Variants in PARP14 observed in about 807,000 individuals in gnomAD.
The protein encoded by PARP14 is protein mono-ADP-ribosyltransferase PARP14.
Under a neutral mutation model 154.2 loss-of-function variants are expected in PARP14, and 59 were observed. The ratio of observed to expected loss-of-function variants is 0.38; its 90% CI spans 0.31 to 0.48. The LOEUF (loss-of-function observed/expected upper bound fraction) is 0.48. Among genes scored for constraint, PARP14 ranks in the 20% least tolerant of loss-of-function variants. The pLI, the probability that PARP14 is intolerant of heterozygous loss-of-function variation, is 0.98. For synonymous variants in PARP14, 720 were observed against 780.5 expected, an observed-to-expected ratio of 0.92 and a Z score of 1.29; for missense variants, 1,734 against 2,131.6, an observed-to-expected ratio of 0.81 and a Z score of 3.67.
rs184293982 is a variant in PARP14, at chr3:122,727,144, C to A, written c.4942-668C>A. Among the ~76,000 whole-genome samples the A allele has an allele frequency of 5.9e-5, 9 of 152,136 alleles. No individual in the cohort carries two copies. In the East Asian group the frequency reaches 1.8e-3, roughly 30 times the overall value. On this transcript the variant is annotated intron_variant, in intron 15 of 16. Coordinates refer to ENST00000474629, the MANE Select transcript of PARP14 (RefSeq NM_017554.3). ...AGGGACTTTGGTCACCTTTACCCAC[C>A]CCTCGGTCTTCCCAGGACAGCCTTA... is the stretch of plus-strand genomic sequence containing the variant.
chr3:122,697,737 T>C (rs1376937019), intron 5 of PARP14, among the ~76,000 whole-genome samples: 1 of 152,274 alleles, frequency 6.6e-6, no homozygotes, highest in African/African-American at 2.4e-5. Context: ...TGAACACCTA[T>C]GTCTGTAAGA....
intron 9 of PARP14, among the ~76,000 whole-genome samples, chr3:122,711,244 A>G (rs1336644882): frequency 6.6e-6 from 1 of 152,106 alleles, no homozygotes; most frequent in Non-Finnish European, 1.5e-5. Context: ...GGCTTTTACT[A>G]CTTCAAGATA....
At chr3:122,711,402 T>G (rs1939315766) in intron 9 of PARP14, among the ~76,000 whole-genome samples, 1 of 152,226 alleles carries the variant, frequency 6.6e-6, no homozygotes, top group South Asian at 2.1e-4. Context: ...TTGACTTTTA[T>G]ATGTTAAACC....
In PARP14 at chr3:122,681,084, G is replaced by C. The variant is rs1938189936; in HGVS notation, c.187+14G>C. On this transcript the variant is annotated intron_variant, in intron 1 of 16. Coordinates refer to ENST00000474629, the MANE Select transcript of PARP14 (RefSeq NM_017554.3). This position sits in a 1 kb window ranked among gnomAD's most constrained non-coding sequence, Gnocchi z 5.5. The stretch of plus-strand genomic sequence containing the variant: ...ACCCGGAGGACGGTGAGGGGCGCGA[G>C]GGGTGGGGTGAGGAGGGGGCACCTC... The C allele has an allele frequency of 6.2e-6, 10 of 1,605,000 alleles. No homozygotes were observed. The highest frequency in any genetic ancestry group is 8.5e-6 in the Non-Finnish European group (10 of 1,172,396).
At chr3:122,710,418 G>A (rs1939286811) in intron 9 of PARP14, among the ~76,000 whole-genome samples, 1 of 152,060 alleles carries the variant, frequency 6.6e-6, no homozygotes. Context: ...TGGTCTATGT[G>A]CCTATTTTTA....
chr3:122,720,244 C>T lies in PARP14; in HGVS notation c.4808-11C>T. 1 of 1,612,056 alleles carries T rather than the reference C, an allele frequency of 6.2e-7. No individual in the cohort carries two copies. Among genetic ancestry groups the T allele is most frequent in the Non-Finnish European group, 8.5e-7 (1 of 1,178,958 alleles). On this transcript the variant is annotated splice_polypyrimidine_tract_variant and intron_variant, in intron 14 of 16. Coordinates refer to ENST00000474629, the MANE Select transcript of PARP14 (RefSeq NM_017554.3). ...GATGTATGAGGGCATCCTCAAATGTCTCCTTTGCAGTTGACATCCCTGCAC... is the reference window on the plus strand; with the variant it reads ...GATGTATGAGGGCATCCTCAAATGTTTCCTTTGCAGTTGACATCCCTGCAC...
rs1292970524 is a variant in PARP14, at chr3:122,681,079, C to A, written c.187+9C>A. 7 of 1,596,256 alleles carry A rather than the reference C, an allele frequency of 4.4e-6. No homozygotes were observed. Among genetic ancestry groups the A allele is most frequent in the Non-Finnish European group, 6.0e-6 (7 of 1,166,204 alleles). On this transcript the variant is annotated intron_variant, in intron 1 of 16. Transcript: ENST00000474629. This position sits in a 1 kb window ranked among gnomAD's most constrained non-coding sequence, Gnocchi z 5.5. Reference sequence around the variant, plus strand: ...CTTCTACCCGGAGGACGGTGAGGGGCGCGAGGGGTGGGGTGAGGAGGGGGC... The same window carrying A: ...CTTCTACCCGGAGGACGGTGAGGGGAGCGAGGGGTGGGGTGAGGAGGGGGC...
At chr3:122,728,132 C>A in intron 16 of PARP14, 146 bp downstream of exon 16, 1 of 923,818 alleles carries the variant, frequency 1.1e-6, no homozygotes, top group Non-Finnish European at 1.6e-6. Flanking sequence ...CACTGTATTT[C>A]ATCCCAAAGG....
rs1045848196 is a variant in PARP14 at position 122,683,375 on chromosome 3, C to T, written c.188-1810C>T. The T allele has an allele frequency of 5.1e-6, 3 of 591,564 alleles. No individual in the cohort carries two copies. The African/African-American group carries it at 6.0e-5, about 12-fold the overall frequency. The allele number at this position is 591,564 out of a possible 1,614,324, so 36.6% of individuals were successfully genotyped here. A position where few individuals can be genotyped will look rare whatever the true frequency, so the allele number is the denominator to read the frequency against. ...TAGGCAGATAACAAGAATGAGCCCA[C>T]CAGCACTTCTCCGTATTTATTCATG... On this transcript the variant is annotated intron_variant, in intron 1 of 16. Transcript: ENST00000474629.
chr3:122,726,733 A>G (rs1933297303), intron 15 of PARP14, among the ~76,000 whole-genome samples: 1 of 152,174 alleles, frequency 6.6e-6, no homozygotes, highest in Non-Finnish European at 1.5e-5. Flanking sequence ...ACCTTTTTAA[A>G]TTTAAGAATT....
At chr3:122,712,135 ACAT>A (rs1939336325) in intron 9 of PARP14, among the ~76,000 whole-genome samples, 1 of 152,044 alleles carries the variant, frequency 6.6e-6, no homozygotes, top group South Asian at 2.1e-4. Context: ...CATTCATTCC[ACAT>A]CATTTCCATC....
intron 3 of PARP14, among the ~76,000 whole-genome samples, chr3:122,689,076 G>T (rs1313301732): frequency 6.6e-6 from 1 of 152,166 alleles, no homozygotes; most frequent in Non-Finnish European, 1.5e-5. Flanking sequence ...GGAAATTCTG[G>T]TGTTTTCAAA....
chr3:122,715,073 T>C (rs1932951865), intron 12 of PARP14, among the ~76,000 whole-genome samples: 1 of 152,166 alleles, frequency 6.6e-6, no homozygotes, highest in African/African-American at 2.4e-5. Context: ...TATATAAGGA[T>C]GGCGCTCTGG....
Position 122,699,971 on chromosome 3 carries a change from A to G in PARP14, c.1417A>G (p.Ile473Val). 6.2e-7 allele frequency: 1 copy of G among 1,613,934 alleles called. No homozygotes were observed. The highest frequency in any genetic ancestry group is 8.5e-7 in the Non-Finnish European group (1 of 1,179,818). The change falls in exon 6 of 17, where the codon ATT (isoleucine) becomes GTT (valine). Residue 473 changes from isoleucine to valine, a missense_variant. By Grantham distance (29) the Ile-to-Val change is conservative. This residue lies in a region of PARP14 where 1,646 missense variants were observed against 1,976.0 expected (regional missense o/e 0.83). Coordinates refer to ENST00000474629, the MANE Select transcript of PARP14 (RefSeq NM_017554.3). ...GCAAAGTTTGAAGGAAAAAATGATC[A>G]TTTCTCCAGGCAGGTATTTTCTTTT... Reference protein sequence around the residue: ...EEQSLKEKMIISPGRYFLLCH... With the variant: ...EEQSLKEKMIVSPGRYFLLCH...
chr3:122,713,527 A>G lies in PARP14; in HGVS notation c.3723A>G (p.Ala1241=). The G allele has an allele frequency of 2.5e-6, 4 of 1,613,774 alleles. No homozygotes were observed. The highest frequency in any genetic ancestry group is 2.5e-6 in the Non-Finnish European group (3 of 1,179,672). Residue 1241 remains alanine (A), a synonymous_variant, in exon 10 of 17, where the codon GCA becomes GCG. Coordinates refer to ENST00000474629, the MANE Select transcript of PARP14 (RefSeq NM_017554.3). ...CTGGAGATATCACGAAAGAAGAGGCAGATGTGATTGTAAATTCAACATCAA... is the reference window on the plus strand; with the variant it reads ...CTGGAGATATCACGAAAGAAGAGGCGGATGTGATTGTAAATTCAACATCAA... The part of the protein sequence containing the change: ...VASGDITKEE[A]DVIVNSTSNS...
In PARP14 at chr3:122,701,291, T is replaced by C; in HGVS notation, c.2737T>C (p.Tyr913His). 1 of 1,613,994 alleles carries C rather than the reference T, an allele frequency of 6.2e-7. No individual in the cohort carries two copies. Among genetic ancestry groups the C allele is most frequent in the Non-Finnish European group, 8.5e-7 (1 of 1,179,876 alleles). The change falls in exon 6 of 17, where the codon TAC becomes CAC. Residue 913 changes from tyrosine (Y) to histidine (H), a missense_variant. This residue lies in a region of PARP14 where 1,646 missense variants were observed against 1,976.0 expected (regional missense o/e 0.83). Coordinates refer to ENST00000474629, the MANE Select transcript of PARP14 (RefSeq NM_017554.3). The surrounding 1 kb of genome is among the most constrained non-coding windows in gnomAD (Gnocchi z 4.0). ...LSLCLAEKYK[Y>H]RSIAIPAISS... ...TCTCTGTCTAGCCGAAAAATACAAG[T>C]ACCGATCCATAGCCATCCCAGCTAT...
intron 16 of PARP14, 117 bp downstream of exon 16, chr3:122,728,103 C>T (rs1042234737): frequency 1.3e-4 from 128 of 1,014,070 alleles, no homozygotes; most frequent in Middle Eastern, 1.2e-3. Context: ...TGTTGCAGCC[C>T]GAGTTTCAGG....
intron 4 of PARP14, among the ~76,000 whole-genome samples, chr3:122,693,285 A>C (rs1279529405): frequency 1.3e-5 from 2 of 152,154 alleles, no homozygotes; most frequent in Non-Finnish European, 2.9e-5. Flanking sequence ...ACAATCTCTG[A>C]GATTGGGAAG....
At position 122,699,894 on chromosome 3, in the gene PARP14, T is replaced by C; in HGVS notation, c.1340T>C (p.Val447Ala). The stretch of plus-strand genomic sequence containing the variant: ...TCAGAGGATGTCCAAAGCATTGAGG[T>C]ACAAGTCAGGGAGTTAATAGAAAGC... The part of the protein sequence containing the change: ...GKSEDVQSIE[V>A]QVRELIESTT... Residue 447 changes from valine to alanine, a missense_variant, in exon 6 of 17, where the codon GTA becomes GCA. By Grantham distance (64) the Val-to-Ala change is moderately conservative. Around this residue, in one of 2 missense-constraint regions of PARP14, gnomAD observed 1,646 missense variants for 1,976.0 expected, o/e 0.83. Coordinates refer to ENST00000474629, the MANE Select transcript of PARP14 (RefSeq NM_017554.3). The C allele has an allele frequency of 2.5e-6, 4 of 1,613,930 alleles. No homozygotes were observed. The highest frequency in any genetic ancestry group is 1.1e-5 in the South Asian group (1 of 91,080).
Sources: allele counts gnomAD v4.1 joint callset (sites outside exome capture counted in the v4.1 genomes callset), GRCh38; gene constraint gnomAD v4.1.1; regional missense constraint gnomAD v4.1.1; non-coding constraint Gnocchi (gnomAD v3.1); transcripts MANE v1.5; gene names NCBI Gene and HGNC (gene_info 2026-07-23, HGNC 2026-07-21).